Variants in SPMIP6 observed in about 807,000 individuals in gnomAD.
The protein encoded by SPMIP6 is ciliated bronchial epithelial protein 1.
the SPMIP6 span, among the ~76,000 whole-genome samples, chr9:34,391,474 G>T: frequency 6.6e-6 from 1 of 152,064 alleles, no homozygotes; most frequent in Non-Finnish European, 1.5e-5. Context: ...TAAGTCTGAT[G>T]CTCAGGTCAT....
At chr9:34,384,428 T>C in the SPMIP6 span, among the ~76,000 whole-genome samples, 1 of 151,840 alleles carries the variant, frequency 6.6e-6, no homozygotes, top group East Asian at 1.9e-4. Flanking sequence ...AGAAGTAGAG[T>C]GTGGTCATAG....
chr9:34,380,204 C>G, the SPMIP6 span, among the ~76,000 whole-genome samples: 1 of 152,212 alleles, frequency 6.6e-6, no homozygotes, highest in African/African-American at 2.4e-5. Flanking sequence ...GCACAGCTCT[C>G]TGGGCTACCG....
At chr9:34,382,543 C>T in the SPMIP6 span, 36 of 559,238 alleles carry the variant, frequency 6.4e-5, 1 homozygote, top group South Asian at 7.1e-4. Flanking sequence ...CAAGGTTGCG[C>T]CACTGCGCTC....
At chr9:34,386,567 G>A in the SPMIP6 span, among the ~76,000 whole-genome samples, 3 of 146,160 alleles carry the variant, frequency 2.1e-5, no homozygotes, top group Non-Finnish European at 3.0e-5. Flanking sequence ...CCAGTCTGGC[G>A]ACAGAGCAAG....
chr9:34,389,477 C>T, the SPMIP6 span, among the ~76,000 whole-genome samples: 1 of 152,142 alleles, frequency 6.6e-6, no homozygotes, highest in African/African-American at 2.4e-5. Flanking sequence ...TTATTGAAGT[C>T]TTCAAAAAAT....
chr9:34,380,979 G>A, the SPMIP6 span: 1 of 1,608,790 alleles, frequency 6.2e-7, no homozygotes, highest in South Asian at 1.1e-5. Context: ...TCCATCCCGC[G>A]CAGACAGTAG....
At chr9:34,387,182 A>G in the SPMIP6 span, among the ~76,000 whole-genome samples, 28 of 151,890 alleles carry the variant, frequency 1.8e-4, no homozygotes, top group African/African-American at 6.3e-4. Context: ...GGTATTTTTC[A>G]TAGAGATGGA....
At chr9:34,394,775 A>G in the SPMIP6 span, among the ~76,000 whole-genome samples, 1 of 152,122 alleles carries the variant, frequency 6.6e-6, no homozygotes, top group Non-Finnish European at 1.5e-5. Context: ...ATGCCTGTTT[A>G]TAGTGCTAAT....
At chr9:34,387,564 G>T in the SPMIP6 span, among the ~76,000 whole-genome samples, 9 of 152,034 alleles carry the variant, frequency 5.9e-5, no homozygotes, top group Non-Finnish European at 1.5e-5. Context: ...GCACATATAG[G>T]TGTATATTCA....
At chr9:34,379,255 C>T in the SPMIP6 span, 3 of 886,060 alleles carry the variant, frequency 3.4e-6, no homozygotes, top group Non-Finnish European at 5.7e-6. This position sits in a 1 kb window ranked among gnomAD's most constrained non-coding sequence, Gnocchi z 4.2. Context: ...GTTTGCAATG[C>T]TAACCTTATC....
chr9:34,380,672 G>A, the SPMIP6 span: 2 of 1,543,998 alleles, frequency 1.3e-6, no homozygotes, highest in Admixed American at 2.0e-5. Flanking sequence ...GAGGGACAGG[G>A]GTCGGGGACT....
chr9:34,381,074 C>T, the SPMIP6 span: 1 of 1,611,242 alleles, frequency 6.2e-7, no homozygotes, highest in African/African-American at 1.3e-5. This position sits in a 1 kb window ranked among gnomAD's most constrained non-coding sequence, Gnocchi z 4.4. Flanking sequence ...GGGCGTGATC[C>T]GCGGCAGCTG....
the SPMIP6 span, chr9:34,380,568 A>T: frequency 3.0e-6 from 4 of 1,345,362 alleles, no homozygotes; most frequent in Non-Finnish European, 3.9e-6. Context: ...GGGGAAGAGG[A>T]TGCGACTGAT....
chr9:34,380,997 C>A, the SPMIP6 span: 1 of 1,610,044 alleles, frequency 6.2e-7, no homozygotes, highest in Non-Finnish European at 8.5e-7. Flanking sequence ...TAGTGGCGGC[C>A]CGAGCAAGCA....
the SPMIP6 span, chr9:34,385,625 G>T: frequency 2.8e-4 from 455 of 1,613,084 alleles, no homozygotes; most frequent in African/African-American, 5.5e-3. Flanking sequence ...TCAGCAAAGG[G>T]TGAGGCCTTA....
the SPMIP6 span, among the ~76,000 whole-genome samples, chr9:34,382,150 G>A: frequency 1.3e-5 from 2 of 152,244 alleles, no homozygotes; most frequent in Non-Finnish European, 2.9e-5. Context: ...GCTTCGGAAA[G>A]GTAGTATATC....
the SPMIP6 span, chr9:34,397,797 G>A: frequency 1.5e-6 from 1 of 678,106 alleles, no homozygotes; most frequent in South Asian, 1.9e-5. Flanking sequence ...TTCCCCAACA[G>A]CCTTCCTGCT....
the SPMIP6 span, among the ~76,000 whole-genome samples, chr9:34,388,632 TAA>T: frequency 2.6e-5 from 4 of 152,210 alleles, no homozygotes; most frequent in African/African-American, 7.2e-5. Flanking sequence ...TCCGATCTGC[TAA>T]GTCAGTTACT....
chr9:34,393,391 C>T, the SPMIP6 span, among the ~76,000 whole-genome samples: 11 of 152,156 alleles, frequency 7.2e-5, no homozygotes, highest in Non-Finnish European at 1.5e-4. Flanking sequence ...AGAGTATATC[C>T]TTTAGAAGTT....
Sources: gnomAD v4.1 joint callset for allele counts (sites outside exome capture counted in the v4.1 genomes callset) on GRCh38, gnomAD v4.1.1 for gene constraint, Gnocchi (gnomAD v3.1) non-coding constraint, MANE v1.5 for transcripts, NCBI Gene and HGNC (gene_info 2026-07-23, HGNC 2026-07-21) for gene names.